Variants in ADARB2 observed in about 807,000 individuals in gnomAD.
ADARB2 encodes adenosine deaminase RNA specific B2 (inactive).
ADARB2 carries 25 observed loss-of-function variants against 62.2 expected under a neutral mutation model. The observed-to-expected ratio is 0.40, with a 90% CI of 0.29 to 0.56. The LOEUF is 0.56. ADARB2 is among the 20% of genes least tolerant of loss of function. The pLI is 0.43. For missense variants in ADARB2, 1,071 were observed against 1,077.4 expected, an observed-to-expected ratio of 0.99 and a Z score of 0.08; for synonymous variants, 572 against 500.8, an observed-to-expected ratio of 1.14 and a Z score of -1.90.
chr10:1,260,225 C>G (rs993886105), intron 4 of ADARB2, among the ~76,000 whole-genome samples: 1 of 152,092 alleles, frequency 6.6e-6, no homozygotes, highest in African/African-American at 2.4e-5. Context: ...GGAAGCATTC[C>G]CTTTGAAAAC....
At chr10:1,490,757 C>T (rs1407527042) in intron 1 of ADARB2, among the ~76,000 whole-genome samples, 1 of 152,184 alleles carries the variant, frequency 6.6e-6, no homozygotes, top group Non-Finnish European at 1.5e-5. Context: ...AGCCAGCCTG[C>T]TATTGTTTTT....
Position 1,183,310 on chromosome 10 carries a change from C to T in ADARB2, c.2103G>A (p.Leu701=), listed in dbSNP as rs532321111. Residue 701 remains leucine, a synonymous_variant, in exon 10 of 10, where the codon CTG becomes CTA. Coordinates refer to ENST00000381312, the MANE Select transcript of ADARB2 (RefSeq NM_018702.4). ...DTPSMYCEAK[L]GAHTYQSVKQ... ...TCACAGACTGGTAGGTGTGCGCCCCCAGCTTGGCCTCACAGTACATGGAGG... is the reference window on the plus strand; with the variant it reads ...TCACAGACTGGTAGGTGTGCGCCCCTAGCTTGGCCTCACAGTACATGGAGG... 3 of 1,614,200 alleles carry T rather than the reference C, an allele frequency of 1.9e-6. No homozygotes were observed. Among genetic ancestry groups the T allele is most frequent in the Admixed American group, 1.7e-5 (1 of 60,036 alleles).
At chr10:1,673,292 A>T (rs982500871) in intron 1 of ADARB2, among the ~76,000 whole-genome samples, 1 of 148,850 alleles carries the variant, frequency 6.7e-6, no homozygotes, top group Admixed American at 6.8e-5. Flanking sequence ...ATGCGTAACA[A>T]GTGATTTGTA....
At chr10:1,302,282 A>T (rs1425185694) in intron 3 of ADARB2, among the ~76,000 whole-genome samples, 1 of 152,162 alleles carries the variant, frequency 6.6e-6, no homozygotes, top group East Asian at 1.9e-4. Flanking sequence ...GCACCTGGAA[A>T]ATCCGGTCAC....
Position 1,460,012 on chromosome 10 carries a change from A to T in ADARB2, c.101-80852T>A, listed in dbSNP as rs866262744. Among the ~76,000 whole-genome samples, 503 of 90,022 alleles carry T rather than the reference A, an allele frequency of 5.6e-3. 1 individual carries two copies. Among genetic ancestry groups the T allele is most frequent in the South Asian group, 8.1e-3 (21 of 2,578 alleles). 59.1% of individuals were successfully genotyped at this position (90,022 alleles called of 152,430 possible). ...GCCTGTGACCTGAGTTTACCTGCGT[A>T]ACAAACCTGCCTGTGACCTGAGTTT... On this transcript the variant is annotated intron_variant, in intron 1 of 9. Transcript: ENST00000381312.
rs557530142 is a variant in ADARB2, at chr10:1,463,341, G to A, written c.101-84181C>T. ...GCCCTCGCTGATGAAGCTGCCTCCC[G>A]CCCTCCTGTGTCCCTGGTCCCTGCT... On this transcript the variant is annotated intron_variant, in intron 1 of 9. Coordinates refer to ENST00000381312, the MANE Select transcript of ADARB2 (RefSeq NM_018702.4). 8.5e-5 allele frequency among the ~76,000 whole-genome samples: 13 copies of A among 152,216 alleles called. No individual in the cohort carries two copies. In the East Asian group the frequency reaches 1.4e-3, roughly 16 times the overall value.
intron 5 of ADARB2, among the ~76,000 whole-genome samples, chr10:1,234,604 C>A (rs774279165): frequency 2.6e-5 from 4 of 151,830 alleles, no homozygotes; most frequent in Non-Finnish European, 4.4e-5. Context: ...CCATGCGAGG[C>A]TAATTTATTT....
chr10:1,273,960 G>A (rs532251920), intron 3 of ADARB2, among the ~76,000 whole-genome samples: 18 of 152,342 alleles, frequency 1.2e-4, no homozygotes, highest in African/African-American at 4.3e-4. Context: ...GGGGAGGCTT[G>A]TGCTGGGCCT....
At chr10:1,234,836 C>T (rs1830849158) in intron 5 of ADARB2, among the ~76,000 whole-genome samples, 1 of 146,048 alleles carries the variant, frequency 6.8e-6, no homozygotes, top group Non-Finnish European at 1.5e-5. Flanking sequence ...GCAACCTCTG[C>T]CTCCTGGGTT....
chr10:1,234,755 T>G (rs1830847764), intron 5 of ADARB2, among the ~76,000 whole-genome samples: 2 of 136,070 alleles, frequency 1.5e-5, no homozygotes, highest in Non-Finnish European at 3.1e-5. Context: ...TTTTTTTTTT[T>G]TTTTTTTTTT....
intron 1 of ADARB2, among the ~76,000 whole-genome samples, chr10:1,698,046 G>T (rs1224788931): frequency 1.3e-5 from 2 of 152,116 alleles, no homozygotes; most frequent in East Asian, 3.9e-4. Flanking sequence ...AGAATGATGG[G>T]TTTCCAATGG....
chr10:1,447,831 T>C (rs1830990583), intron 1 of ADARB2, among the ~76,000 whole-genome samples: 1 of 152,342 alleles, frequency 6.6e-6, no homozygotes, highest in South Asian at 2.1e-4. Flanking sequence ...CTTGTGGTAT[T>C]TGGTTTTCTG....
chr10:1,410,507 G>A (rs974201282), intron 1 of ADARB2, among the ~76,000 whole-genome samples: 1 of 152,158 alleles, frequency 6.6e-6, no homozygotes, highest in East Asian at 1.9e-4. Context: ...TTCTCCAGGC[G>A]GGCAGACAAC....
chr10:1,243,869 T>C (rs539007314), intron 4 of ADARB2, among the ~76,000 whole-genome samples: 1 of 152,290 alleles, frequency 6.6e-6, no homozygotes, highest in Non-Finnish European at 1.5e-5. Flanking sequence ...GAGAACTCCA[T>C]GGTCCTGGTC....
intron 7 of ADARB2, among the ~76,000 whole-genome samples, chr10:1,206,259 G>A (rs186725183): frequency 3.0e-4 from 45 of 152,288 alleles, no homozygotes; most frequent in African/African-American, 1.0e-3. Context: ...GGGTCCTAAC[G>A]ATTCCTCCTT....
At chr10:1,245,672 CT>C (rs1354819679) in intron 4 of ADARB2, among the ~76,000 whole-genome samples, 21 of 152,106 alleles carry the variant, frequency 1.4e-4, no homozygotes, top group Non-Finnish European at 2.2e-4. Flanking sequence ...TGAACTCATC[CT>C]TTTTTATGGC....
At chr10:1,463,150 T>G in intron 1 of ADARB2, among the ~76,000 whole-genome samples, 1 of 151,226 alleles carries the variant, frequency 6.6e-6, no homozygotes, top group African/African-American at 2.4e-5. Flanking sequence ...ACGTGATGAG[T>G]GGGATTGGGG....
At chr10:1,686,400 A>G (rs1202805589) in intron 1 of ADARB2, among the ~76,000 whole-genome samples, 1 of 152,254 alleles carries the variant, frequency 6.6e-6, no homozygotes, top group Non-Finnish European at 1.5e-5. Flanking sequence ...AAGGAAGCAT[A>G]CCTTGAAAAC....
intron 1 of ADARB2, among the ~76,000 whole-genome samples, chr10:1,405,411 A>G (rs912753222): frequency 4.6e-5 from 7 of 152,070 alleles, no homozygotes; most frequent in African/African-American, 1.7e-4. Context: ...TTCAAGATTC[A>G]ATGTGGTCAG....
Sources: gnomAD v4.1 joint callset for allele counts (sites outside exome capture counted in the v4.1 genomes callset) on GRCh38, gnomAD v4.1.1 for gene constraint, MANE v1.5 for transcripts, NCBI Gene and HGNC (gene_info 2026-07-23, HGNC 2026-07-21) for gene names.